Variants in BRINP2 observed in about 807,000 individuals in gnomAD.
BRINP2 encodes BMP/retinoic acid inducible neural specific 2.
Under a neutral mutation model 69.2 loss-of-function variants are expected in BRINP2, and 21 were observed. The ratio of observed to expected loss-of-function variants is 0.30; its 90% CI spans 0.22 to 0.44. BRINP2 has a LOEUF of 0.44. Among genes scored for constraint, BRINP2 ranks in the 20% least tolerant of loss-of-function variants. BRINP2 has a pLI of 1.00. For synonymous variants in BRINP2, 380 were observed against 394.1 expected, an observed-to-expected ratio of 0.96 and a Z score of 0.42; for missense variants, 877 against 986.0, an observed-to-expected ratio of 0.89 and a Z score of 1.48.
intron 1 of BRINP2, among the ~76,000 whole-genome samples, chr1:177,223,276 G>A (rs542229580): frequency 4.6e-5 from 7 of 152,252 alleles, no homozygotes; most frequent in African/African-American, 1.7e-4. Flanking sequence ...CTATAAATTT[G>A]GGGCCTCAGA....
chr1:177,274,837 A>T (rs1651443054), intron 5 of BRINP2, among the ~76,000 whole-genome samples: 1 of 152,264 alleles, frequency 6.6e-6, no homozygotes, highest in African/African-American at 2.4e-5. Flanking sequence ...GTGCCAAGGA[A>T]GGAAAATTTA....
chr1:177,221,691 C>T (rs1397508339), intron 1 of BRINP2, among the ~76,000 whole-genome samples: 1 of 152,176 alleles, frequency 6.6e-6, no homozygotes, highest in African/African-American at 2.4e-5. Flanking sequence ...CCCACATACA[C>T]ACACTACCAC....
intron 2 of BRINP2, among the ~76,000 whole-genome samples, chr1:177,246,579 G>A (rs1274457005): frequency 6.6e-6 from 1 of 152,200 alleles, no homozygotes; most frequent in Non-Finnish European, 1.5e-5. Flanking sequence ...GTCCTTTTGA[G>A]CAATAAAAGT....
intron 1 of BRINP2, among the ~76,000 whole-genome samples, chr1:177,218,236 C>T (rs1450030205): frequency 6.6e-6 from 1 of 151,958 alleles, no homozygotes; most frequent in Non-Finnish European, 1.5e-5. Flanking sequence ...CTAGTGCCTG[C>T]TTGTTGTGGA....
intron 1 of BRINP2, among the ~76,000 whole-genome samples, chr1:177,180,110 A>G (rs1191955140): frequency 6.6e-6 from 1 of 152,236 alleles, no homozygotes; most frequent in Non-Finnish European, 1.5e-5. Context: ...TATGATAAAA[A>G]TTGTACTAGG....
chr1:177,267,019 G>T (rs753830725), intron 4 of BRINP2, among the ~76,000 whole-genome samples: 1 of 152,136 alleles, frequency 6.6e-6, no homozygotes, highest in African/African-American at 2.4e-5. Flanking sequence ...CCCATACTGT[G>T]GGCAGTGGGT....
Position 177,281,495 on chromosome 1 carries a change from T to G in BRINP2, c.2319T>G (p.Pro773=), listed in dbSNP as rs1651700749. 2 of 1,610,106 alleles carry G rather than the reference T, an allele frequency of 1.2e-6. No homozygotes were observed. Among genetic ancestry groups the G allele is most frequent in the Admixed American group, 3.3e-5 (2 of 59,888 alleles). The change falls in exon 8 of 8, where the codon CCT becomes CCG. Residue 773 remains proline, a synonymous_variant. Transcript: ENST00000361539. The part of the protein sequence containing the change: ...LRAFNSKLPN[P]VEYETGKLCS ...CTTTCAATTCTAAGCTGCCAAACCC[T>G]GTGGAATATGAGACCGGCAAACTCT...
rs550219566 is a variant in BRINP2 at position 177,281,715 on chromosome 1, C to T, written c.*187C>T. 8 of 635,780 alleles carry T rather than the reference C, an allele frequency of 1.3e-5. No individual in the cohort carries two copies. The highest frequency in any genetic ancestry group is 5.7e-5 in the East Asian group (2 of 35,144). The allele number at this position is 635,780 out of a possible 1,614,324, so 39.4% of individuals were successfully genotyped here. A position where few individuals can be genotyped will look rare whatever the true frequency, so the allele number is the denominator to read the frequency against. ...AACAGCTACTGCGTGCGTGCGCGCA[C>T]GCATACACACACACACACACACACT... On this transcript the variant is annotated 3_prime_UTR_variant, in exon 8 of 8. Coordinates refer to ENST00000361539, the MANE Select transcript of BRINP2 (RefSeq NM_021165.4).
intron 4 of BRINP2, among the ~76,000 whole-genome samples, chr1:177,270,682 G>A (rs144226010): frequency 6.6e-6 from 1 of 152,288 alleles, no homozygotes; most frequent in Non-Finnish European, 1.5e-5. Flanking sequence ...CAAGTCAGGA[G>A]TAAGTGGATG....
intron 1 of BRINP2, among the ~76,000 whole-genome samples, chr1:177,224,576 G>C (rs953708095): frequency 1.3e-5 from 2 of 151,882 alleles, no homozygotes; most frequent in Admixed American, 6.6e-5. Context: ...CAACTTGTAA[G>C]TGGCAAAGGC....
intron 5 of BRINP2, among the ~76,000 whole-genome samples, chr1:177,274,252 A>G (rs1391525699): frequency 1.3e-5 from 2 of 152,230 alleles, no homozygotes. Flanking sequence ...GGAGACGTGC[A>G]TCTCTTGCTG....
At chr1:177,227,163 A>G (rs1649721177) in intron 1 of BRINP2, among the ~76,000 whole-genome samples, 1 of 152,132 alleles carries the variant, frequency 6.6e-6, no homozygotes, top group Non-Finnish European at 1.5e-5. Flanking sequence ...AGGGGAGGGG[A>G]CCATATAGGG....
At chr1:177,189,409 C>T (rs547700482) in intron 1 of BRINP2, among the ~76,000 whole-genome samples, 1 of 152,084 alleles carries the variant, frequency 6.6e-6, no homozygotes, top group Non-Finnish European at 1.5e-5. Flanking sequence ...TCTGCCAAGC[C>T]CCTGTCCACA....
intron 3 of BRINP2, 58 bp from the exon 4 acceptor site, chr1:177,257,118 T>C (rs1200769662): frequency 1.2e-6 from 2 of 1,604,694 alleles, no homozygotes; most frequent in South Asian, 2.2e-5. Flanking sequence ...TATGTTCCTA[T>C]TGGTAGGGGA....
At chr1:177,199,873 G>A (rs1046722890) in intron 1 of BRINP2, among the ~76,000 whole-genome samples, 4 of 152,126 alleles carry the variant, frequency 2.6e-5, no homozygotes, top group Admixed American at 1.3e-4. Context: ...AATATGTAGA[G>A]AATCTGACCA....
rs1390596823 is a variant in BRINP2 at position 177,176,644 on chromosome 1, T to C, written c.-77+4912T>C. Among the ~76,000 whole-genome samples, 11 of 151,532 alleles carry C rather than the reference T, an allele frequency of 7.3e-5. 1 individual carries two copies. In the East Asian group the frequency reaches 1.9e-3, roughly 27 times the overall value. On this transcript the variant is annotated intron_variant, in intron 1 of 7. Transcript: ENST00000361539. ...CATGAAATAGGAGGAGTTGGTGACA[T>C]AAAAAGAGAAAGAACATGGAGGGAG...
intron 1 of BRINP2, among the ~76,000 whole-genome samples, chr1:177,181,941 G>T (rs1648266583): frequency 6.6e-6 from 1 of 152,186 alleles, no homozygotes; most frequent in Non-Finnish European, 1.5e-5. Flanking sequence ...AGGAGTGGCC[G>T]GTACCTTTCC....
At chr1:177,200,293 CAAAAAAAAAAAA>C (rs35619503) in intron 1 of BRINP2, among the ~76,000 whole-genome samples, 543 of 34,834 alleles carry the variant, frequency 0.016, 8 homozygotes, top group African/African-American at 0.045. Flanking sequence ...AACTCTGTCT[CAAAAAAAAAAAA>C]AAAAAAAAAA....
intron 1 of BRINP2, among the ~76,000 whole-genome samples, chr1:177,176,433 T>C (rs1648088457): frequency 6.6e-6 from 1 of 151,924 alleles, no homozygotes; most frequent in Non-Finnish European, 1.5e-5. Context: ...AAATCAAATA[T>C]ATTAAGATTA....
Sources: allele counts gnomAD v4.1 joint callset (sites outside exome capture counted in the v4.1 genomes callset), GRCh38; gene constraint gnomAD v4.1.1; transcripts MANE v1.5; gene names NCBI Gene and HGNC (gene_info 2026-07-23, HGNC 2026-07-21).